Variants in MAP9 observed in about 807,000 individuals in gnomAD.
MAP9 encodes microtubule-associated protein 9.
A neutral mutation model predicts 75.2 loss-of-function variants in MAP9; 80 were observed. The ratio of observed to expected loss-of-function variants is 1.06; its 90% CI spans 0.89 to 1.28. The LOEUF is 1.28. Ranked by LOEUF, MAP9 falls within the 50% of genes most tolerant of loss-of-function variation. The pLI, the probability that MAP9 is intolerant of heterozygous loss-of-function variation, is 0.00. For synonymous variants in MAP9, 235 were observed against 237.3 expected (o/e 0.99, Z 0.09); for missense variants, 753 against 719.9 (o/e 1.05, Z -0.53).
chr4:155,355,675 G>A, intron 9 of MAP9, 41 bp downstream of exon 9: 1 of 1,482,522 alleles, frequency 6.7e-7, no homozygotes, highest in Non-Finnish European at 9.3e-7. Context: ...GCTTATGAAA[G>A]TGATCATTCT....
intron 7 of MAP9, among the ~76,000 whole-genome samples, chr4:155,358,923 C>G (rs1005846608): frequency 3.9e-5 from 6 of 151,926 alleles, no homozygotes; most frequent in Non-Finnish European, 7.4e-5. Flanking sequence ...AAAAAAGTAA[C>G]AGATGTTGGT....
chr4:155,357,716 A>G (rs1486828027), intron 7 of MAP9, among the ~76,000 whole-genome samples, 197 bp from the exon 8 acceptor site: 1 of 152,180 alleles, frequency 6.6e-6, no homozygotes, highest in Non-Finnish European at 1.5e-5. Flanking sequence ...AAATAAATAT[A>G]TAAGCAAACA....
In MAP9 at chr4:155,368,503, C is replaced by G. The variant is rs749994562; in HGVS notation, c.708+83G>C. On this transcript the variant is annotated intron_variant, in intron 5 of 13. Transcript: ENST00000311277. ...AAACACACACACACGCACACAAATT[C>G]ATTCTCTCCTTCTCTTTTTCATAAT... 4 of 1,149,062 alleles carry G rather than the reference C, an allele frequency of 3.5e-6. No homozygotes were observed. The African/African-American group carries it at 4.6e-5, about 13-fold the overall frequency. The allele number at this position is 1,149,062 out of a possible 1,614,324, so 71.2% of individuals were successfully genotyped here. A position where few individuals can be genotyped will look rare whatever the true frequency, so the allele number is the denominator to read the frequency against.
In MAP9 at chr4:155,368,643, C is replaced by T. The variant is rs372376554; in HGVS notation, c.651G>A (p.Pro217=). 4.6e-5 allele frequency: 74 copies of T among 1,614,144 alleles called. No individual in the cohort carries two copies. Among genetic ancestry groups the T allele is most frequent in the African/African-American group, 4.3e-4 (32 of 75,018 alleles). Residue 217 remains proline (P), a synonymous_variant, in exon 5 of 14, where the codon CCG becomes CCA. Transcript: ENST00000311277. ...TCTCAGCTTCTAATTGTATGCCATT[C>T]GGCGTTGGAAGGGAAGAAGGTGCAG... ...LHSAPSSLPT[P]NGIQLEAEKK...
chr4:155,350,579 T>G (rs987234528), intron 13 of MAP9, among the ~76,000 whole-genome samples: 2 of 152,018 alleles, frequency 1.3e-5, no homozygotes, highest in Non-Finnish European at 2.9e-5. Flanking sequence ...TTAATATAAG[T>G]GGACTTTAAA....
At chr4:155,355,560 AAAATATGATTACTCATGT>A (rs1371697270) in intron 9 of MAP9, among the ~76,000 whole-genome samples, 138 bp downstream of exon 9, 9 of 147,792 alleles carry the variant, frequency 6.1e-5, no homozygotes, top group Admixed American at 4.1e-4. Flanking sequence ...ATAATTTAGT[AAAATATGATTACTCATGT>A]ATTAAAAGGA....
rs548350560 is a variant in MAP9 at position 155,374,467 on chromosome 4, G to A, written c.160+470C>T. Among the ~76,000 whole-genome samples the A allele has an allele frequency of 1.2e-4, 19 of 152,252 alleles. No homozygotes were observed. In the East Asian group the frequency reaches 3.7e-3, roughly 29 times the overall value. On this transcript the variant is annotated intron_variant, in intron 3 of 13. Transcript: ENST00000311277. The stretch of plus-strand genomic sequence containing the variant: ...ATAATAGTACTGATATATGAAACAC[G>A]AAGAGTCTGTGGTTTTTAAATTTAC...
At chr4:155,376,032 C>G in intron 1 of MAP9, 118 bp from the exon 2 acceptor site, 1 of 429,116 alleles carries the variant, frequency 2.3e-6, no homozygotes, top group Non-Finnish European at 4.1e-6. Context: ...TGGGCTACAT[C>G]TTCACTTAAA....
At chr4:155,360,110 T>TA in intron 7 of MAP9, 58 bp downstream of exon 7, 1 of 1,510,732 alleles carries the variant, frequency 6.6e-7, no homozygotes, top group Non-Finnish European at 9.0e-7. Context: ...TAAAATTTCT[T>TA]AAAGTTCTAT....
chr4:155,361,877 T>G (rs1732095852), intron 6 of MAP9, among the ~76,000 whole-genome samples, 171 bp downstream of exon 6: 1 of 152,074 alleles, frequency 6.6e-6, no homozygotes, highest in African/African-American at 2.4e-5. Context: ...ACTGAGAGAT[T>G]AAGTTCTGCA....
chr4:155,342,873 C>T lies in MAP9; in HGVS notation c.*4910G>A, dbSNP rs577976688. The stretch of plus-strand genomic sequence containing the variant: ...TACAAGATGTCTGAATAACTCCTTA[C>T]ATTTATAAATTCTTATTTAATTTTA... On this transcript the variant is annotated 3_prime_UTR_variant, in exon 14 of 14. Transcript: ENST00000311277. 13 of 151,900 alleles carry T rather than the reference C, an allele frequency of 8.6e-5. No homozygotes were observed. Among genetic ancestry groups the T allele is most frequent in the South Asian group, 4.2e-4 (2 of 4,816 alleles). The allele number at this position is 151,900 out of a possible 1,614,324, so 9.4% of individuals were successfully genotyped here. A position where few individuals can be genotyped will look rare whatever the true frequency, so the allele number is the denominator to read the frequency against.
intron 1 of MAP9, 25 bp from the exon 2 acceptor site, chr4:155,375,939 C>T: frequency 1.2e-6 from 1 of 816,206 alleles, no homozygotes; most frequent in Non-Finnish European, 2.0e-6. Context: ...ACAAATCAGA[C>T]TTCGCATGCT....
At chr4:155,358,674 C>T (rs907096262) in intron 7 of MAP9, among the ~76,000 whole-genome samples, 3 of 151,994 alleles carry the variant, frequency 2.0e-5, no homozygotes, top group Admixed American at 2.0e-4. Flanking sequence ...CTACATATTA[C>T]ATATCTGTTT....
rs1732875625 is a variant in MAP9, at chr4:155,376,895, C to T, written c.-189G>A. The T allele has an allele frequency of 6.5e-6, 1 of 152,682 alleles. No individual in the cohort carries two copies. The highest frequency in any genetic ancestry group is 2.4e-5 in the African/African-American group (1 of 41,430). 9.5% of individuals were successfully genotyped at this position (152,682 alleles called of 1,614,324 possible). A position where few individuals can be genotyped will look rare whatever the true frequency, so the allele number is the denominator to read the frequency against. On this transcript the variant is annotated 5_prime_UTR_variant, in exon 1 of 14. Transcript: ENST00000311277. ...CTTCGGGAGGAAGTGACTTCCCCAC[C>T]GCCGGGTCTCTCGGGTACCCAACAC...
chr4:155,360,098 G>C (rs1161850526), intron 7 of MAP9, 70 bp downstream of exon 7: 5 of 1,417,104 alleles, frequency 3.5e-6, no homozygotes. Context: ...TAACACAGAA[G>C]ATAAAATTTC....
At chr4:155,352,859 T>C in intron 12 of MAP9, 53 bp downstream of exon 12, 1 of 1,443,846 alleles carries the variant, frequency 6.9e-7, no homozygotes, top group Non-Finnish European at 9.4e-7. Context: ...TATAAAATCC[T>C]GAAGTGTTAC....
intron 5 of MAP9, 52 bp downstream of exon 5, chr4:155,368,534 A>T (rs748349919): frequency 7.2e-7 from 1 of 1,397,242 alleles, no homozygotes; most frequent in Admixed American, 1.7e-5. Context: ...ATAATCAGAT[A>T]AAAAAGCATA....
At chr4:155,355,409 T>C (rs1378851141) in intron 9 of MAP9, among the ~76,000 whole-genome samples, 1 of 152,146 alleles carries the variant, frequency 6.6e-6, no homozygotes, top group Non-Finnish European at 1.5e-5. Context: ...CTCCTTTTGT[T>C]CATATAAACT....
In MAP9 at chr4:155,344,064, C is replaced by T. The variant is rs946597739; in HGVS notation, c.*3719G>A. ...TCTAAGTTTCTTTTACTAGTTTATT[C>T]TTGGGAATGATTATAACTAACACGT... On this transcript the variant is annotated 3_prime_UTR_variant, in exon 14 of 14. Coordinates refer to ENST00000311277, the MANE Select transcript of MAP9 (RefSeq NM_001039580.2). 1 of 151,880 alleles carries T rather than the reference C, an allele frequency of 6.6e-6. No individual in the cohort carries two copies. Among genetic ancestry groups the T allele is most frequent in the Non-Finnish European group, 1.5e-5 (1 of 67,824 alleles). The allele number at this position is 151,880 out of a possible 1,614,324, so 9.4% of individuals were successfully genotyped here.
Sources: gnomAD v4.1 joint callset for allele counts (sites outside exome capture counted in the v4.1 genomes callset) on GRCh38, gnomAD v4.1.1 for gene constraint, MANE v1.5 for transcripts, NCBI Gene and HGNC (gene_info 2026-07-23, HGNC 2026-07-21) for gene names.